MAST4: variants seen among roughly 807,000 people sequenced by gnomAD.
The protein encoded by MAST4 is microtubule associated serine/threonine kinase family member 4, also known as microtubule-associated serine/threonine-protein kinase 4.
In MAST4, 89 loss-of-function variants were observed where a neutral mutation model predicts 162.7. The observed-to-expected ratio is 0.55, with a 90% CI of 0.46 to 0.65. The LOEUF (loss-of-function observed/expected upper bound fraction) is 0.65, where lower values mean the gene tolerates loss of function less well. Ranked by LOEUF, MAST4 falls within the 30% of genes least tolerant of loss-of-function variation. The pLI, the probability that MAST4 is intolerant of heterozygous loss-of-function variation, is 0.00. For synonymous variants in MAST4, 1,479 were observed against 1,361.1 expected (o/e 1.09, Z -1.91); for missense variants, 3,153 against 3,374.0 (o/e 0.93, Z 1.62).
intron 2 of MAST4, among the ~76,000 whole-genome samples, chr5:66,777,966 G>GC (rs765676510): frequency 3.9e-5 from 6 of 152,130 alleles, no homozygotes; most frequent in Admixed American, 3.9e-4. Context: ...TCCCAGGGGG[G>GC]TTAGACATGT....
At chr5:67,110,768 A>G (rs1271140707) in intron 11 of MAST4, among the ~76,000 whole-genome samples, 1 of 152,228 alleles carries the variant, frequency 6.6e-6, no homozygotes, top group African/African-American at 2.4e-5. Flanking sequence ...TCACGCCTGT[A>G]ACCCCAGCAC....
chr5:67,022,582 A>AT (rs1390127015), intron 4 of MAST4, among the ~76,000 whole-genome samples: 1 of 152,154 alleles, frequency 6.6e-6, no homozygotes, highest in African/African-American at 2.4e-5. Context: ...ATACTTTTAT[A>AT]GGGGCAAAGA....
At chr5:66,946,287 G>A (rs1312720970) in intron 4 of MAST4, among the ~76,000 whole-genome samples, 2 of 152,048 alleles carry the variant, frequency 1.3e-5, no homozygotes, top group South Asian at 2.1e-4. Flanking sequence ...TGTTGCTTTG[G>A]TCTCTATTTT....
intron 3 of MAST4, among the ~76,000 whole-genome samples, chr5:66,892,591 C>T (rs564953055): frequency 1.4e-4 from 22 of 152,278 alleles, no homozygotes; most frequent in Non-Finnish European, 2.9e-4. Context: ...CTTTGCTTAT[C>T]TTTGAAAAGT....
intron 4 of MAST4, among the ~76,000 whole-genome samples, chr5:66,921,796 A>G (rs1180427766): frequency 6.6e-6 from 1 of 152,198 alleles, no homozygotes; most frequent in Non-Finnish European, 1.5e-5. Context: ...TTTTGCATGC[A>G]TTAATTATCA....
At chr5:66,798,261 A>G (rs563528636) in intron 3 of MAST4, among the ~76,000 whole-genome samples, 1 of 152,324 alleles carries the variant, frequency 6.6e-6, no homozygotes, top group Non-Finnish European at 1.5e-5. Context: ...CAATTTAGTT[A>G]CTTGGGATCT....
intron 3 of MAST4, among the ~76,000 whole-genome samples, chr5:66,888,389 C>A (rs1214468328): frequency 6.6e-6 from 1 of 152,050 alleles, no homozygotes; most frequent in Non-Finnish European, 1.5e-5. Flanking sequence ...AGCTGATTTG[C>A]CAGTAAATTT....
rs144400603 is a variant in MAST4 at position 67,100,905 on chromosome 5, A to G, written c.1070+313A>G. ...AAAAGCAGTTAATGTTGTTATGTTA[A>G]GAGGCAACAGCTTCGTGGAAATAGA... On this transcript the variant is annotated intron_variant, in intron 8 of 28. Coordinates refer to ENST00000403625, the MANE Select transcript of MAST4 (RefSeq NM_001164664.2). 6.8e-3 allele frequency among the ~76,000 whole-genome samples: 1,033 copies of G among 152,360 alleles called. 9 individuals carry two copies. The highest frequency in any genetic ancestry group is 8.7e-3 in the Non-Finnish European group (593 of 68,036).
chr5:66,649,863 G>A (rs370529855), intron 1 of MAST4, among the ~76,000 whole-genome samples: 1 of 152,138 alleles, frequency 6.6e-6, no homozygotes, highest in African/African-American at 2.4e-5. Flanking sequence ...CCTAGAGTTC[G>A]AGATCAGTTA....
chr5:67,159,698 A>C (rs546287693), intron 26 of MAST4, among the ~76,000 whole-genome samples: 1 of 152,272 alleles, frequency 6.6e-6, no homozygotes, highest in African/African-American at 2.4e-5. Context: ...CCTCGGCCTG[A>C]CTGCTGACTC....
intron 4 of MAST4, among the ~76,000 whole-genome samples, chr5:66,903,364 T>G (rs1763129169): frequency 6.7e-6 from 1 of 150,010 alleles, no homozygotes; most frequent in Non-Finnish European, 1.5e-5. Context: ...GGATTCAAAT[T>G]GCTTTAACCA....
At chr5:66,946,100 G>A (rs975705080) in intron 4 of MAST4, among the ~76,000 whole-genome samples, 4 of 152,006 alleles carry the variant, frequency 2.6e-5, no homozygotes, top group African/African-American at 7.3e-5. Context: ...CAATTCCCAG[G>A]GAATCCCCAC....
intron 4 of MAST4, among the ~76,000 whole-genome samples, chr5:67,040,132 T>C (rs999705970): frequency 1.3e-5 from 2 of 152,162 alleles, no homozygotes; most frequent in African/African-American, 4.8e-5. Context: ...CAAGGATGCT[T>C]CATATCACAA....
intron 4 of MAST4, among the ~76,000 whole-genome samples, chr5:66,971,639 A>G (rs1183067832): frequency 6.6e-6 from 1 of 152,176 alleles, no homozygotes; most frequent in Non-Finnish European, 1.5e-5. Context: ...GTAACTTATT[A>G]AATTTTTGTT....
chr5:67,153,727 T>C (rs748845553), intron 26 of MAST4, 147 bp downstream of exon 26: 36 of 769,574 alleles, frequency 4.7e-5, no homozygotes, highest in Non-Finnish European at 6.1e-5. Context: ...AAAGATATTA[T>C]GAATTCTCTG....
intron 2 of MAST4, among the ~76,000 whole-genome samples, chr5:66,765,178 A>G (rs951301337): frequency 1.3e-5 from 2 of 152,164 alleles, no homozygotes; most frequent in Admixed American, 1.3e-4. Flanking sequence ...AGTACACCCT[A>G]TGATGTTTGC....
intron 15 of MAST4, among the ~76,000 whole-genome samples, chr5:67,130,637 G>C (rs970131941): frequency 6.6e-6 from 1 of 152,132 alleles, no homozygotes; most frequent in African/African-American, 2.4e-5. Flanking sequence ...CTGGAAAAAG[G>C]TTATCTTTTT....
In MAST4 at chr5:66,872,732, C is replaced by T. The variant is rs1761028564; in HGVS notation, c.643-27219C>T. Among the ~76,000 whole-genome samples, 3 of 152,280 alleles carry T rather than the reference C, an allele frequency of 2.0e-5. No individual in the cohort carries two copies. The South Asian group carries it at 6.2e-4, about 32-fold the overall frequency. ...ACATGTGAATTTTGCTAATGTAGAG[C>T]ACAACTCAGAGTACGGCGGGGCCTT... is the stretch of plus-strand genomic sequence containing the variant. On this transcript the variant is annotated intron_variant, in intron 3 of 28. Coordinates refer to ENST00000403625, the MANE Select transcript of MAST4 (RefSeq NM_001164664.2).
At chr5:66,920,731 T>TC (rs956036218) in intron 4 of MAST4, among the ~76,000 whole-genome samples, 1 of 152,136 alleles carries the variant, frequency 6.6e-6, no homozygotes, top group Non-Finnish European at 1.5e-5. Context: ...CCTCAGGAGA[T>TC]CCGCCCACCT....
Sources: gnomAD v4.1 joint callset for allele counts (sites outside exome capture counted in the v4.1 genomes callset) on GRCh38, gnomAD v4.1.1 for gene constraint, MANE v1.5 for transcripts, NCBI Gene and HGNC (gene_info 2026-07-23, HGNC 2026-07-21) for gene names.